ICA1: variants seen among roughly 807,000 people sequenced by gnomAD.
ICA1 encodes 69 kDa islet cell autoantigen.
Under a neutral mutation model 71.0 loss-of-function variants are expected in ICA1, and 40 were observed. That is an observed-to-expected ratio of 0.56 (90% CI 0.44 to 0.73). The LOEUF is 0.73. Among genes scored for constraint, ICA1 ranks in the 30% least tolerant of loss-of-function variants. ICA1 has a pLI of 0.00. For missense variants in ICA1, 578 were observed against 576.5 expected (o/e 1.00, Z -0.03); for synonymous variants, 207 against 209.5 (o/e 0.99, Z 0.10).
At position 8,223,249 on chromosome 7, in the gene ICA1, T is replaced by C. The variant is rs1797658643; in HGVS notation, c.257-1851A>G. ...TCGTGTGAGGCTACTGTCACCCTTT[T>C]TACCTTGAAGTCTCAAGTCACATAC... On this transcript the variant is annotated intron_variant, in intron 4 of 13. Coordinates refer to ENST00000402384, the MANE Select transcript of ICA1 (RefSeq NM_001136020.3). This position sits in a 1 kb window ranked among gnomAD's most constrained non-coding sequence, Gnocchi z 4.1. Among the ~76,000 whole-genome samples the C allele has an allele frequency of 6.6e-6, 1 of 152,208 alleles. No individual in the cohort carries two copies. Among genetic ancestry groups the C allele is most frequent in the Non-Finnish European group, 1.5e-5 (1 of 68,036 alleles).
chr7:8,194,638 C>T (rs7784827), intron 6 of ICA1, among the ~76,000 whole-genome samples: 70,089 of 152,104 alleles, frequency 0.46, 20,728 homozygotes, highest in African/African-American at 0.84. Context: ...TTCTAAAATA[C>T]GGGCAAAGGT....
intron 6 of ICA1, among the ~76,000 whole-genome samples, chr7:8,166,981 G>A (rs2128222159): frequency 6.6e-6 from 1 of 152,260 alleles, no homozygotes; most frequent in African/African-American, 2.4e-5. Flanking sequence ...AAAATGACAT[G>A]CTGGTGAGGC....
Position 8,221,260 on chromosome 7 carries a change from C to G in ICA1, c.380+15G>C. On this transcript the variant is annotated intron_variant, in intron 5 of 13. Coordinates refer to ENST00000402384, the MANE Select transcript of ICA1 (RefSeq NM_001136020.3). The stretch of plus-strand genomic sequence containing the variant: ...TCAGATCCCCCCAGATAGAACCCCA[C>G]TAAAGGCCACACACCTTTGCTGGGA... 1.2e-6 allele frequency: 2 copies of G among 1,613,138 alleles called. No homozygotes were observed. Among genetic ancestry groups the G allele is most frequent in the Non-Finnish European group, 1.7e-6 (2 of 1,179,400 alleles).
intron 8 of ICA1, among the ~76,000 whole-genome samples, chr7:8,146,982 C>T (rs1164028814): frequency 6.6e-6 from 1 of 151,754 alleles, no homozygotes; most frequent in Non-Finnish European, 1.5e-5. Flanking sequence ...TATTTTCAGC[C>T]AAGGTTCTGA....
chr7:8,206,113 T>C (rs1196137527), intron 6 of ICA1, among the ~76,000 whole-genome samples: 2 of 152,210 alleles, frequency 1.3e-5, no homozygotes, highest in African/African-American at 4.8e-5. Flanking sequence ...GTGGGAAAAG[T>C]TGGCTTTTTA....
chr7:8,242,465 A>G lies in ICA1; in HGVS notation c.-79-6460T>C, dbSNP rs535289634. Reference sequence around the variant, plus strand: ...CTAAGTGCCCACAAGAGAAAGCAGGAAAGATCTAAAATTGACACCCTAACA... The same window carrying G: ...CTAAGTGCCCACAAGAGAAAGCAGGGAAGATCTAAAATTGACACCCTAACA... On this transcript the variant is annotated intron_variant, in intron 1 of 13. Transcript: ENST00000402384. 5.3e-5 allele frequency among the ~76,000 whole-genome samples: 8 copies of G among 152,362 alleles called. No homozygotes were observed. In the East Asian group the frequency reaches 1.5e-3, roughly 29 times the overall value.
chr7:8,180,788 C>T (rs1781974887), intron 6 of ICA1, among the ~76,000 whole-genome samples: 1 of 150,968 alleles, frequency 6.6e-6, no homozygotes, highest in Non-Finnish European at 1.5e-5. Flanking sequence ...CAAGTATCTG[C>T]TCAAATGCTT....
chr7:8,242,224 C>A (rs1229167255), intron 1 of ICA1, among the ~76,000 whole-genome samples: 5 of 152,196 alleles, frequency 3.3e-5, no homozygotes, highest in Admixed American at 3.3e-4. Flanking sequence ...TCTCTCAGAC[C>A]ACAGTGCAAT....
Position 8,228,672 on chromosome 7 carries a change from A to C in ICA1, c.185T>G (p.Leu62Arg). 6.3e-7 allele frequency: 1 copy of C among 1,593,456 alleles called. No individual in the cohort carries two copies. Residue 62 changes from leucine to arginine, a missense_variant and splice_region_variant, in exon 4 of 14, where the codon CTG becomes CGG. Coordinates refer to ENST00000402384, the MANE Select transcript of ICA1 (RefSeq NM_001136020.3). ...SDADLDAKLE[L>R]FHSIQRTCLD... is the part of the protein sequence containing the mutation. ...ACAGGTTCTCTGAATTGAATGAAAC[A>C]GCTGTAATAAAAATACAAACAAAAT...
At chr7:8,243,992 C>T (rs1333240237) in intron 1 of ICA1, among the ~76,000 whole-genome samples, 1 of 152,096 alleles carries the variant, frequency 6.6e-6, no homozygotes, top group African/African-American at 2.4e-5. Context: ...GCCATACTGC[C>T]CAAGGTAATT....
intron 6 of ICA1, among the ~76,000 whole-genome samples, chr7:8,160,475 C>T (rs187862123): frequency 2.6e-5 from 4 of 152,290 alleles, no homozygotes; most frequent in African/African-American, 2.4e-5. Context: ...CAAAGCCATG[C>T]TATTCTGCCT....
chr7:8,135,435 C>T lies in ICA1; in HGVS notation c.1060+3405G>A, dbSNP rs1485118747. ...GTTAAAAAAAAAAATGTACCAAAGC[C>T]AGCAGTACATCCCAGGATGCTGAGG... On this transcript the variant is annotated intron_variant, in intron 12 of 13. Coordinates refer to ENST00000402384, the MANE Select transcript of ICA1 (RefSeq NM_001136020.3). 2.6e-5 allele frequency among the ~76,000 whole-genome samples: 4 copies of T among 152,146 alleles called. No individual in the cohort carries two copies. The South Asian group carries it at 6.2e-4, about 24-fold the overall frequency.
chr7:8,212,768 G>C (rs1292898085), intron 6 of ICA1, among the ~76,000 whole-genome samples: 2 of 152,130 alleles, frequency 1.3e-5, no homozygotes, highest in Admixed American at 1.3e-4. Context: ...TTCCAGTCAG[G>C]AGCAGCAGCC....
chr7:8,225,380 C>T (rs1393101246), intron 4 of ICA1, among the ~76,000 whole-genome samples: 1 of 152,096 alleles, frequency 6.6e-6, no homozygotes, highest in Non-Finnish European at 1.5e-5. Flanking sequence ...CAAATTGTGC[C>T]AGCTTTGATC....
intron 6 of ICA1, among the ~76,000 whole-genome samples, chr7:8,174,965 C>T (rs1200528579): frequency 6.6e-6 from 1 of 152,016 alleles, no homozygotes; most frequent in East Asian, 1.9e-4. Flanking sequence ...CGTTCCACTG[C>T]TAAGAGAAAG....
chr7:8,129,286 C>T (rs892821745), intron 12 of ICA1, among the ~76,000 whole-genome samples: 49 of 151,424 alleles, frequency 3.2e-4, no homozygotes, highest in African/African-American at 1.1e-3. Context: ...TTTTCTGAGA[C>T]ATGCTGCAAT....
intron 10 of ICA1, among the ~76,000 whole-genome samples, chr7:8,140,932 G>T (rs1795018543): frequency 1.3e-5 from 2 of 152,218 alleles, no homozygotes; most frequent in South Asian, 4.1e-4. Context: ...CTTCCAGGAA[G>T]GTACCACACC....
chr7:8,128,826 G>C (rs1034032014), intron 12 of ICA1, among the ~76,000 whole-genome samples: 2 of 152,072 alleles, frequency 1.3e-5, no homozygotes, highest in African/African-American at 4.8e-5. Context: ...CAGTTCGAGG[G>C]GCGTTGAAGT....
intron 6 of ICA1, among the ~76,000 whole-genome samples, chr7:8,167,479 G>A (rs1806466385): frequency 1.3e-5 from 2 of 152,170 alleles, no homozygotes; most frequent in African/African-American, 4.8e-5. Flanking sequence ...CTTGCGGGTA[G>A]GTGGAGGGTG....
Sources: gnomAD v4.1 joint callset for allele counts (sites outside exome capture counted in the v4.1 genomes callset) on GRCh38, gnomAD v4.1.1 for gene constraint, Gnocchi (gnomAD v3.1) non-coding constraint, MANE v1.5 for transcripts, NCBI Gene and HGNC (gene_info 2026-07-23, HGNC 2026-07-21) for gene names.